RASSF5: variants seen among roughly 807,000 people sequenced by gnomAD.
The protein encoded by RASSF5 is Ras association domain family member 5.
In RASSF5, 25 loss-of-function variants were observed where a neutral mutation model predicts 40.5. That is an observed-to-expected ratio of 0.62 (90% CI 0.45 to 0.86). RASSF5 has a LOEUF of 0.86. Among genes scored for constraint, RASSF5 ranks in the 40% least tolerant of loss-of-function variants. The pLI, the probability that RASSF5 is intolerant of heterozygous loss-of-function variation, is 0.00. For missense variants in RASSF5, 521 were observed against 572.8 expected (o/e 0.91, Z 0.92); for synonymous variants, 246 against 252.4 (o/e 0.97, Z 0.24).
At chr1:206,564,486 AAAG>A (rs1668230787) in intron 2 of RASSF5, among the ~76,000 whole-genome samples, 1 of 152,322 alleles carries the variant, frequency 6.6e-6, no homozygotes, top group South Asian at 2.1e-4. Flanking sequence ...TTTAGGGAGA[AAAG>A]AAGAAAGATT....
At position 206,560,998 on chromosome 1, in the gene RASSF5, A is replaced by C. The variant is rs1231063059; in HGVS notation, c.580-22271A>C. Among the ~76,000 whole-genome samples the C allele has an allele frequency of 6.6e-6, 1 of 152,170 alleles. No homozygotes were observed. The highest frequency in any genetic ancestry group is 1.5e-5 in the Non-Finnish European group (1 of 68,022). On this transcript the variant is annotated intron_variant, in intron 2 of 5. Transcript: ENST00000579436. The surrounding 1 kb of genome is among the most constrained non-coding windows in gnomAD (Gnocchi z 5.1). ...GCTTCCATTCTTATCAATTTCCCAA[A>C]TGCCTACAGGTGGTGGCCATTTAAG...
At chr1:206,543,221 TA>T (rs10691436) in intron 2 of RASSF5, 1,792 of 136,514 alleles carry the variant, frequency 0.013, 17 homozygotes, top group South Asian at 0.047. Flanking sequence ...AGACCTTGAC[TA>T]AAAAAAAAAA....
At position 206,552,239 on chromosome 1, in the gene RASSF5, GT is replaced by G. The variant is rs1667861367; in HGVS notation, c.579+13947del. 6.6e-6 allele frequency among the ~76,000 whole-genome samples: 1 copy of G among 152,208 alleles called. No individual in the cohort carries two copies. The highest frequency in any genetic ancestry group is 1.9e-4 in the East Asian group (1 of 5,202). ...CTGGGGAGACACCGAGCTCTCTGCT[GT>G]ACACAGCCATTGAATGCTGAAAATT... On this transcript the variant is annotated intron_variant, in intron 2 of 5. Coordinates refer to ENST00000579436, the MANE Select transcript of RASSF5 (RefSeq NM_182663.4). The surrounding 1 kb of genome is among the most constrained non-coding windows in gnomAD (Gnocchi z 4.1).
At chr1:206,572,302 T>C (rs1231491463) in intron 2 of RASSF5, among the ~76,000 whole-genome samples, 1 of 152,136 alleles carries the variant, frequency 6.6e-6, no homozygotes, top group Non-Finnish European at 1.5e-5. Context: ...AGACCCTGCC[T>C]TGAGGGAGCT....
chr1:206,571,516 G>A (rs1343008711), intron 2 of RASSF5: 1 of 152,144 alleles, frequency 6.6e-6, no homozygotes, highest in Non-Finnish European at 1.5e-5. Context: ...AGATGGAAAA[G>A]GTACAGTCAC....
At chr1:206,545,501 C>CTGAATATTT (rs1333164869) in intron 2 of RASSF5, among the ~76,000 whole-genome samples, 2 of 128,942 alleles carry the variant, frequency 1.6e-5, no homozygotes, top group African/African-American at 6.0e-5. Context: ...GCCACCATGC[C>CTGAATATTT]TGAATATTTT....
At chr1:206,510,336 T>A (rs1390454423) in intron 1 of RASSF5, among the ~76,000 whole-genome samples, 1 of 152,092 alleles carries the variant, frequency 6.6e-6, no homozygotes, top group Non-Finnish European at 1.5e-5. Flanking sequence ...TACCACTTAG[T>A]CCCCACGTGA....
At chr1:206,524,763 C>T (rs1667055135) in intron 1 of RASSF5, among the ~76,000 whole-genome samples, 1 of 144,954 alleles carries the variant, frequency 6.9e-6, no homozygotes, top group South Asian at 2.1e-4. Context: ...TTTCACTTGT[C>T]CTAGCAGGGA....
intron 1 of RASSF5, among the ~76,000 whole-genome samples, chr1:206,526,347 C>A (rs1475195927): frequency 6.7e-6 from 1 of 150,054 alleles, no homozygotes; most frequent in Non-Finnish European, 1.5e-5. Context: ...TGCCTCCAGG[C>A]CCTCCGGGCT....
At chr1:206,556,058 C>T (rs1279131964) in intron 2 of RASSF5, among the ~76,000 whole-genome samples, 2 of 152,194 alleles carry the variant, frequency 1.3e-5, no homozygotes, top group Non-Finnish European at 2.9e-5. Context: ...GTCCAGGGCC[C>T]TCCGGGGTCC....
At chr1:206,574,694 G>A (rs1049840056) in intron 2 of RASSF5, among the ~76,000 whole-genome samples, 8 of 152,102 alleles carry the variant, frequency 5.3e-5, no homozygotes, top group Non-Finnish European at 4.4e-5. Flanking sequence ...CAGTGCCATA[G>A]AGGGACCTGT....
intron 1 of RASSF5, among the ~76,000 whole-genome samples, chr1:206,524,471 A>C (rs1553396807): frequency 7.2e-6 from 1 of 138,650 alleles, no homozygotes; most frequent in African/African-American, 2.6e-5. Context: ...ATATATAAAT[A>C]TATATATGGT....
intron 2 of RASSF5, among the ~76,000 whole-genome samples, chr1:206,555,707 G>A (rs1572336852): frequency 1.3e-5 from 2 of 152,200 alleles, no homozygotes; most frequent in Non-Finnish European, 2.9e-5. Context: ...CTCCTGCACC[G>A]AGGGCGGCCA....
At position 206,555,865 on chromosome 1, in the gene RASSF5, G is replaced by C. The variant is rs549723020; in HGVS notation, c.579+17572G>C. Among the ~76,000 whole-genome samples, 4 of 152,334 alleles carry C rather than the reference G, an allele frequency of 2.6e-5. No individual in the cohort carries two copies. The South Asian group carries it at 6.2e-4, about 24-fold the overall frequency. On this transcript the variant is annotated intron_variant, in intron 2 of 5. Transcript: ENST00000579436. The stretch of plus-strand genomic sequence containing the variant: ...GAGCACTGACGGATTTGGCTTAGGT[G>C]GGAGAGGGAGAGGGTTTCTCATGAA...
At chr1:206,547,402 A>AT (rs782247803) in intron 2 of RASSF5, among the ~76,000 whole-genome samples, 7 of 151,768 alleles carry the variant, frequency 4.6e-5, no homozygotes, top group Non-Finnish European at 8.8e-5. Flanking sequence ...GCAGCATTAG[A>AT]TTCTCGGAGG....
chr1:206,535,684 GGTGTGTGT>G lies in RASSF5; in HGVS notation c.458-2477_458-2470del, dbSNP rs140102421. ...CAGCTCAGCATGGTGATGTTTTCAG[GGTGTGTGT>G]GTGTGTGTGTCTGTGTGTGTGTGGT... On this transcript the variant is annotated intron_variant, in intron 1 of 5. Transcript: ENST00000579436. This position sits in a 1 kb window ranked among gnomAD's most constrained non-coding sequence, Gnocchi z 5.0. Among the ~76,000 whole-genome samples, 1 of 148,016 alleles carries G rather than the reference GGTGTGTGT, an allele frequency of 6.8e-6. No homozygotes were observed. The highest frequency in any genetic ancestry group is 1.5e-5 in the Non-Finnish European group (1 of 67,142).
intron 2 of RASSF5, among the ~76,000 whole-genome samples, chr1:206,547,408 G>A (rs1359196349): frequency 1.3e-5 from 2 of 152,040 alleles, no homozygotes; most frequent in East Asian, 1.9e-4. Context: ...TTAGATTCTC[G>A]GAGGAGCCTG....
intron 1 of RASSF5, among the ~76,000 whole-genome samples, chr1:206,516,649 G>C (rs752497125): frequency 3.3e-5 from 5 of 152,076 alleles, no homozygotes; most frequent in Non-Finnish European, 5.9e-5. Flanking sequence ...AGTAGAGATG[G>C]GGATTCACCG....
At chr1:206,555,748 T>C (rs1267875278) in intron 2 of RASSF5, among the ~76,000 whole-genome samples, 2 of 152,122 alleles carry the variant, frequency 1.3e-5, no homozygotes, top group South Asian at 2.1e-4. Flanking sequence ...TCAGCTCTCT[T>C]GTTTTTGTGC....
Sources: gnomAD v4.1 joint callset for allele counts (sites outside exome capture counted in the v4.1 genomes callset) on GRCh38, gnomAD v4.1.1 for gene constraint, Gnocchi (gnomAD v3.1) non-coding constraint, MANE v1.5 for transcripts, NCBI Gene and HGNC (gene_info 2026-07-23, HGNC 2026-07-21) for gene names.